CDH9: variants seen among roughly 807,000 people sequenced by gnomAD.
CDH9 encodes the protein cadherin-9.
A neutral mutation model predicts 70.9 loss-of-function variants in CDH9; 28 were observed. That is an observed-to-expected ratio of 0.40 (90% confidence interval 0.29 to 0.54). CDH9 has a LOEUF of 0.54. Ranked by LOEUF, CDH9 falls within the 20% of genes least tolerant of loss-of-function variation. The pLI is 0.59. For synonymous variants in CDH9, 409 were observed against 343.1 expected (o/e 1.19, Z -2.12); for missense variants, 874 against 984.4 (o/e 0.89, Z 1.50).
intron 2 of CDH9, among the ~76,000 whole-genome samples, chr5:26,974,119 CT>C (rs1206593204): frequency 6.6e-6 from 1 of 152,054 alleles, no homozygotes; most frequent in East Asian, 1.9e-4. Flanking sequence ...TAGTGGGTGC[CT>C]GTATTCCCAG....
At chr5:26,951,223 G>A (rs1358443053) in intron 2 of CDH9, among the ~76,000 whole-genome samples, 1 of 144,624 alleles carries the variant, frequency 6.9e-6, no homozygotes, top group Non-Finnish European at 1.5e-5. Context: ...AACCCGGGAG[G>A]TGGAGGTTGC....
chr5:26,993,828 T>A (rs934025104), intron 1 of CDH9, among the ~76,000 whole-genome samples: 5 of 151,892 alleles, frequency 3.3e-5, no homozygotes, highest in Non-Finnish European at 5.9e-5. Flanking sequence ...TGCCAGATAG[T>A]TTCTTCACAG....
At chr5:26,905,934 A>G (rs1010336634) in intron 5 of CDH9, 25 bp downstream of exon 5, 3 of 1,592,518 alleles carry the variant, frequency 1.9e-6, no homozygotes, top group African/African-American at 1.3e-5. Flanking sequence ...GTTTTTGGAC[A>G]TGAGATCACT....
intron 11 of CDH9, 109 bp downstream of exon 11, chr5:26,885,505 A>G: frequency 1.1e-6 from 1 of 938,542 alleles, no homozygotes; most frequent in Non-Finnish European, 1.6e-6. Context: ...AAAAAGTGAA[A>G]ATGTTCTATC....
At chr5:26,884,580 T>G (rs1740528387) in intron 11 of CDH9, among the ~76,000 whole-genome samples, 1 of 152,126 alleles carries the variant, frequency 6.6e-6, no homozygotes, top group Admixed American at 6.6e-5. Flanking sequence ...ACTGAGAAAA[T>G]GTTTTTCAAA....
intron 2 of CDH9, among the ~76,000 whole-genome samples, chr5:26,971,728 G>A (rs10069212): frequency 0.46 from 70,447 of 151,716 alleles, 17,198 homozygotes; most frequent in Non-Finnish European, 0.53. Context: ...GGGTTAGGTA[G>A]TTTTTCTTTT....
intron 2 of CDH9, among the ~76,000 whole-genome samples, chr5:26,940,393 T>G (rs780121249): frequency 1.4e-4 from 21 of 152,212 alleles, no homozygotes; most frequent in Non-Finnish European, 2.8e-4. Flanking sequence ...AGCTATCTAT[T>G]TAAAATAATG....
intron 7 of CDH9, among the ~76,000 whole-genome samples, chr5:26,900,390 A>G (rs574397303): frequency 6.6e-6 from 1 of 152,148 alleles, no homozygotes; most frequent in African/African-American, 2.4e-5. Flanking sequence ...CAGAAAAACA[A>G]AACTATAGAA....
intron 2 of CDH9, among the ~76,000 whole-genome samples, chr5:26,940,686 C>T (rs1042376988): frequency 6.6e-6 from 1 of 152,190 alleles, no homozygotes; most frequent in Admixed American, 6.5e-5. Context: ...TAACAGGGAG[C>T]AGAACCATTG....
intron 1 of CDH9, among the ~76,000 whole-genome samples, chr5:27,020,051 A>G (rs184317563): frequency 6.6e-6 from 1 of 151,790 alleles, no homozygotes; most frequent in Admixed American, 6.6e-5. Context: ...TTCTGACTGC[A>G]CTGTGATAAT....
At chr5:27,035,578 G>A (rs560404047) in intron 1 of CDH9, among the ~76,000 whole-genome samples, 13 of 151,368 alleles carry the variant, frequency 8.6e-5, no homozygotes, top group South Asian at 2.1e-4. Flanking sequence ...TTAAGCAGAC[G>A]ATTTACAAGG....
chr5:26,892,513 G>A (rs920322818), intron 7 of CDH9, among the ~76,000 whole-genome samples: 15 of 152,102 alleles, frequency 9.9e-5, no homozygotes, highest in Non-Finnish European at 2.2e-4. Flanking sequence ...ACAATTAACA[G>A]GCTAATCAGC....
chr5:26,910,617 T>C (rs2111998675), intron 3 of CDH9, among the ~76,000 whole-genome samples: 1 of 152,300 alleles, frequency 6.6e-6, no homozygotes, highest in East Asian at 1.9e-4. Flanking sequence ...AATCACTCTA[T>C]GAACTAGAGG....
intron 3 of CDH9, among the ~76,000 whole-genome samples, chr5:26,910,227 CTAT>C (rs1389852192): frequency 1.0e-5 from 1 of 99,264 alleles, no homozygotes; most frequent in African/African-American, 3.8e-5. Flanking sequence ...TATCATCCAT[CTAT>C]CTATCTATCT....
At chr5:26,891,866 T>G (rs1740665919) in intron 7 of CDH9, among the ~76,000 whole-genome samples, 1 of 152,110 alleles carries the variant, frequency 6.6e-6, no homozygotes, top group African/African-American at 2.4e-5. Context: ...CTCTAAAAAC[T>G]AGGAATGGTC....
At chr5:26,961,674 T>G (rs1742037238) in intron 2 of CDH9, among the ~76,000 whole-genome samples, 1 of 152,168 alleles carries the variant, frequency 6.6e-6, no homozygotes, top group African/African-American at 2.4e-5. Flanking sequence ...CTAATCCATT[T>G]AATTTCCACT....
chr5:27,037,889 A>G lies in CDH9; in HGVS notation c.-50+574T>C, dbSNP rs1428657. Among the ~76,000 whole-genome samples the G allele has an allele frequency of 6.4e-4, 97 of 152,120 alleles. 1 individual carries two copies. The highest frequency in any genetic ancestry group is 2.3e-3 in the African/African-American group (96 of 41,564). ...TGAAGAAACCTCTTTTACCAGGTAA[A>G]GTGATCACCTTAATCCTGACATCCA... On this transcript the variant is annotated intron_variant, in intron 1 of 11. Coordinates refer to ENST00000231021, the MANE Select transcript of CDH9 (RefSeq NM_016279.4).
chr5:26,891,490 C>G (rs1017190312), intron 7 of CDH9, among the ~76,000 whole-genome samples: 1 of 152,002 alleles, frequency 6.6e-6, no homozygotes, highest in Non-Finnish European at 1.5e-5. Flanking sequence ...CCAGCCTGAC[C>G]AACATGGTGA....
intron 7 of CDH9, among the ~76,000 whole-genome samples, chr5:26,901,670 C>T (rs1403700528): frequency 3.3e-5 from 5 of 151,792 alleles, no homozygotes; most frequent in Non-Finnish European, 7.4e-5. Context: ...CTTCAGCTGT[C>T]TATATGTTCC....
Sources: gnomAD v4.1 joint callset for allele counts (sites outside exome capture counted in the v4.1 genomes callset) on GRCh38, gnomAD v4.1.1 for gene constraint, MANE v1.5 for transcripts, NCBI Gene and HGNC (gene_info 2026-07-23, HGNC 2026-07-21) for gene names.